Variants in PPP2R2C observed in about 807,000 individuals in gnomAD.
PPP2R2C encodes protein phosphatase 2, regulatory subunit B, gamma.
In PPP2R2C, 10 loss-of-function variants were observed where a neutral mutation model predicts 45.3. The ratio of observed to expected loss-of-function variants is 0.22; its 90% CI spans 0.14 to 0.37. The LOEUF (loss-of-function observed/expected upper bound fraction) is 0.37. PPP2R2C is among the 10% of genes least tolerant of loss of function. The pLI, the probability that PPP2R2C is intolerant of heterozygous loss-of-function variation, is 1.00. For synonymous variants in PPP2R2C, 257 were observed against 245.4 expected, an observed-to-expected ratio of 1.05 and a Z score of -0.44; for missense variants, 308 against 619.7, an observed-to-expected ratio of 0.50 and a Z score of 5.34.
chr4:6,411,965 G>C (rs1317060153), intron 1 of PPP2R2C, among the ~76,000 whole-genome samples: 1 of 152,192 alleles, frequency 6.6e-6, no homozygotes, highest in Non-Finnish European at 1.5e-5. Flanking sequence ...GATTAAATGA[G>C]TTAATAGTTG....
intron 1 of PPP2R2C, among the ~76,000 whole-genome samples, chr4:6,444,839 G>T (rs983694051): frequency 6.6e-6 from 1 of 152,204 alleles, no homozygotes; most frequent in Admixed American, 6.5e-5. Flanking sequence ...CAAGCAGGTG[G>T]CAGGGATCGT....
chr4:6,485,485 C>T (rs951811605), intron 2 of PPP2R2C, among the ~76,000 whole-genome samples: 3 of 151,752 alleles, frequency 2.0e-5, no homozygotes, highest in Admixed American at 6.6e-5. Context: ...TCATCAGTAA[C>T]GTCATCTGGG....
At chr4:6,503,407 T>G (rs1723122149) in intron 2 of PPP2R2C, among the ~76,000 whole-genome samples, 1 of 152,204 alleles carries the variant, frequency 6.6e-6, no homozygotes, top group Non-Finnish European at 1.5e-5. Context: ...CATTGCCCAG[T>G]TGCCTCCCCT....
chr4:6,401,855 C>T (rs1717434245), intron 1 of PPP2R2C, among the ~76,000 whole-genome samples: 1 of 152,174 alleles, frequency 6.6e-6, no homozygotes, highest in Non-Finnish European at 1.5e-5. Flanking sequence ...GCCATGGAAG[C>T]TACCTGCCGA....
chr4:6,371,784 T>A (rs992472492), intron 5 of PPP2R2C, among the ~76,000 whole-genome samples: 11 of 152,176 alleles, frequency 7.2e-5, no homozygotes, highest in Non-Finnish European at 1.3e-4. Flanking sequence ...CTTGTTGATG[T>A]TAGTCACAGA....
chr4:6,479,408 C>T (rs1289710843), intron 2 of PPP2R2C, among the ~76,000 whole-genome samples: 1 of 141,060 alleles, frequency 7.1e-6, no homozygotes, highest in African/African-American at 2.5e-5. Flanking sequence ...GACGAAAGCC[C>T]ACCCACCCCA....
chr4:6,444,556 A>G (rs1720318416), intron 1 of PPP2R2C, among the ~76,000 whole-genome samples: 1 of 152,220 alleles, frequency 6.6e-6, no homozygotes, highest in Admixed American at 6.5e-5. Flanking sequence ...GAGGTTTCTC[A>G]AAATGATCAG....
rs191825474 is a variant in PPP2R2C, at chr4:6,352,600, C to G, written c.626-4590G>C. Among the ~76,000 whole-genome samples, 173 of 152,286 alleles carry G rather than the reference C, an allele frequency of 1.1e-3. 1 individual carries two copies. The highest frequency in any genetic ancestry group is 4.1e-3 in the African/African-American group (170 of 41,562). ...CTCTAGCATCTAAGAGTCATTTTCC[C>G]TGCAAGAAAAGTTTGTCAGACACAG... On this transcript the variant is annotated intron_variant, in intron 5 of 8. Transcript: ENST00000382599.
chr4:6,454,311 A>T (rs902181437), intron 1 of PPP2R2C, among the ~76,000 whole-genome samples: 3 of 152,102 alleles, frequency 2.0e-5, no homozygotes, highest in African/African-American at 4.8e-5. Flanking sequence ...ACTGCCCTTC[A>T]ACCTGGGCCG....
intron 1 of PPP2R2C, among the ~76,000 whole-genome samples, chr4:6,402,820 G>A (rs191648103): frequency 3.5e-4 from 53 of 152,328 alleles, no homozygotes; most frequent in African/African-American, 1.1e-3. Context: ...CAGGTGAGAG[G>A]GGCATGCATG....
Position 6,499,908 on chromosome 4 carries a change from C to T in PPP2R2C, c.49+35363G>A, listed in dbSNP as rs147546146. The stretch of plus-strand genomic sequence containing the variant: ...TCCCCACCAAGCCACTCTCCTTCCT[C>T]CTTCCAGGCTTCCTTCCCCTTTCTT... On this transcript the variant is annotated intron_variant, in intron 2 of 9. Coordinates refer to the PPP2R2C transcript ENST00000506140. Among the ~76,000 whole-genome samples the T allele has an allele frequency of 3.3e-3, 506 of 152,258 alleles. 1 individual carries two copies. Among genetic ancestry groups the T allele is most frequent in the African/African-American group, 0.012 (481 of 41,536 alleles).
At chr4:6,367,203 G>A (rs1714400463) in intron 5 of PPP2R2C, among the ~76,000 whole-genome samples, 1 of 151,964 alleles carries the variant, frequency 6.6e-6, no homozygotes, top group Non-Finnish European at 1.5e-5. Context: ...TCAAAGCAAT[G>A]CCCTCTTTTT....
At chr4:6,429,641 G>C (rs763840372) in intron 1 of PPP2R2C, among the ~76,000 whole-genome samples, 1 of 152,124 alleles carries the variant, frequency 6.6e-6, no homozygotes, top group Non-Finnish European at 1.5e-5. Context: ...GACACTGCTT[G>C]TTGTCTGTAA....
intron 1 of PPP2R2C, among the ~76,000 whole-genome samples, chr4:6,416,634 C>A (rs540117533): frequency 6.6e-6 from 1 of 152,352 alleles, no homozygotes; most frequent in East Asian, 1.9e-4. Context: ...CCTCCCCCAT[C>A]CTCTGCTGCA....
At chr4:6,341,788 A>T (rs1050725868) in intron 6 of PPP2R2C, among the ~76,000 whole-genome samples, 5 of 152,144 alleles carry the variant, frequency 3.3e-5, no homozygotes, top group Non-Finnish European at 5.9e-5. Context: ...GAGTGCAGGC[A>T]GCCTCTAGAA....
intron 2 of PPP2R2C, among the ~76,000 whole-genome samples, chr4:6,511,097 T>C (rs1285059546): frequency 6.6e-6 from 1 of 152,214 alleles, no homozygotes. Flanking sequence ...AATTTGTCCT[T>C]CTCTTAATTT....
intron 1 of PPP2R2C, among the ~76,000 whole-genome samples, chr4:6,553,347 T>C (rs775049743): frequency 2.6e-5 from 4 of 152,070 alleles, no homozygotes; most frequent in Admixed American, 2.0e-4. Flanking sequence ...AGGTGAAAAA[T>C]AGATCTACGG....
intron 2 of PPP2R2C, among the ~76,000 whole-genome samples, chr4:6,485,223 T>G (rs920319445): frequency 1.3e-5 from 2 of 151,950 alleles, no homozygotes; most frequent in African/African-American, 4.8e-5. Context: ...TTTTTGAAAG[T>G]TAAACCTACC....
At chr4:6,381,747 G>A in intron 1 of PPP2R2C, 1 of 1,601,228 alleles carries the variant, frequency 6.2e-7, no homozygotes, top group African/African-American at 1.3e-5. Context: ...GGTCACTCAG[G>A]AACCTCTCCT....
Sources: gnomAD v4.1 joint callset for allele counts (sites outside exome capture counted in the v4.1 genomes callset) on GRCh38, gnomAD v4.1.1 for gene constraint, MANE v1.5 for transcripts, NCBI Gene and HGNC (gene_info 2026-07-23, HGNC 2026-07-21) for gene names.